Variants in SP4 observed in about 807,000 individuals in gnomAD.
The protein encoded by SP4 is Sp4 transcription factor, also known as transcription factor Sp4.
A neutral mutation model predicts 72.8 loss-of-function variants in SP4; 19 were observed. The ratio of observed to expected loss-of-function variants is 0.26; its 90% CI spans 0.18 to 0.38. The LOEUF is 0.38. SP4 is among the 10% of genes least tolerant of loss of function. The pLI is 1.00. For missense variants in SP4, 1,008 were observed against 926.3 expected (o/e 1.09, Z -1.14); for synonymous variants, 395 against 333.1 (o/e 1.19, Z -2.02).
chr7:21,430,917 T>G, intron 3 of SP4, 74 bp downstream of exon 3: 1 of 1,187,348 alleles, frequency 8.4e-7, no homozygotes, highest in Middle Eastern at 2.0e-4. Context: ...CTCCTAATTC[T>G]AAGGTTTGAC....
intron 3 of SP4, among the ~76,000 whole-genome samples, chr7:21,460,649 T>C (rs1783935109): frequency 6.6e-6 from 1 of 152,180 alleles, no homozygotes; most frequent in Non-Finnish European, 1.5e-5. Flanking sequence ...AGAGAGCCGA[T>C]TGGTCTGTTT....
chr7:21,447,598 G>A (rs1423229569), intron 3 of SP4, among the ~76,000 whole-genome samples: 1 of 152,218 alleles, frequency 6.6e-6, no homozygotes, highest in Non-Finnish European at 1.5e-5. Flanking sequence ...TTCTGTTAGA[G>A]TATTAAGGCA....
chr7:21,461,662 C>T (rs2128402462), intron 3 of SP4, among the ~76,000 whole-genome samples: 1 of 152,300 alleles, frequency 6.6e-6, no homozygotes, highest in Admixed American at 6.5e-5. Flanking sequence ...GAGCCAGCTG[C>T]AGCCTCGGCC....
At chr7:21,468,122 T>G (rs1350046084) in intron 3 of SP4, among the ~76,000 whole-genome samples, 1 of 152,168 alleles carries the variant, frequency 6.6e-6, no homozygotes. Context: ...ACAGTTGGAT[T>G]ATTTTGTGTA....
chr7:21,494,866 G>C (rs1428388341), intron 5 of SP4, among the ~76,000 whole-genome samples: 1 of 152,112 alleles, frequency 6.6e-6, no homozygotes, highest in East Asian at 1.9e-4. Flanking sequence ...CATAATTTTA[G>C]GTGTTCCTGT....
intron 5 of SP4, among the ~76,000 whole-genome samples, chr7:21,487,282 GA>G (rs1444944556): frequency 6.6e-6 from 1 of 151,982 alleles, no homozygotes; most frequent in Admixed American, 6.6e-5. Flanking sequence ...CTGTATCTGA[GA>G]ATAGATTTTT....
intron 3 of SP4, among the ~76,000 whole-genome samples, chr7:21,457,772 GGT>G (rs377190689): frequency 4.0e-5 from 6 of 151,324 alleles, no homozygotes; most frequent in South Asian, 2.1e-4. Flanking sequence ...TTTCAATAGG[GGT>G]GTGTGTGTGT....
chr7:21,510,802 T>C (rs913269567), intron 5 of SP4, among the ~76,000 whole-genome samples: 11 of 152,244 alleles, frequency 7.2e-5, no homozygotes. Flanking sequence ...TTCCAGTTCA[T>C]AGCAGAAGCA....
At chr7:21,480,272 A>G (rs1035401753) in intron 4 of SP4, among the ~76,000 whole-genome samples, 1 of 152,212 alleles carries the variant, frequency 6.6e-6, no homozygotes, top group Admixed American at 6.5e-5. Flanking sequence ...CTGGCTTCAT[A>G]GAATGAATTG....
At chr7:21,473,196 T>G (rs1452780419) in intron 3 of SP4, among the ~76,000 whole-genome samples, 2 of 152,184 alleles carry the variant, frequency 1.3e-5, no homozygotes, top group Non-Finnish European at 2.9e-5. Flanking sequence ...ATAATCTTGC[T>G]TGGAAACAGG....
intron 1 of SP4, among the ~76,000 whole-genome samples, 176 bp downstream of exon 1, chr7:21,428,434 A>C (rs954746053): frequency 6.6e-6 from 1 of 151,960 alleles, no homozygotes; most frequent in Non-Finnish European, 1.5e-5. Flanking sequence ...TTAATGTCTG[A>C]GAGAGAACAA....
In SP4 at chr7:21,482,680, A is replaced by G. The variant is rs559503198; in HGVS notation, c.2107+557A>G. 145 of 983,222 alleles carry G rather than the reference A, an allele frequency of 1.5e-4. 1 individual carries two copies. The African/African-American group carries it at 2.4e-3, about 16-fold the overall frequency. The allele number at this position is 983,222 out of a possible 1,614,324, so 60.9% of individuals were successfully genotyped here. ...CAAAGACTGCAGCTGCTATAAATCT[A>G]ATGTGTCTAAGTTTTACGTACACTT... On this transcript the variant is annotated intron_variant, in intron 5 of 5. Coordinates refer to ENST00000222584, the MANE Select transcript of SP4 (RefSeq NM_003112.5).
Position 21,457,326 on chromosome 7 carries a change from T to C in SP4, c.1679-19753T>C, listed in dbSNP as rs190325039. 6.6e-5 allele frequency among the ~76,000 whole-genome samples: 10 copies of C among 152,278 alleles called. No homozygotes were observed. In the East Asian group the frequency reaches 1.5e-3, roughly 24 times the overall value. ...CTTTCAGCTTTTGTAATGGAAAACATACATAGTTATTTAGCTAAGTAATGG... is the reference window on the plus strand; with the variant it reads ...CTTTCAGCTTTTGTAATGGAAAACACACATAGTTATTTAGCTAAGTAATGG... On this transcript the variant is annotated intron_variant, in intron 3 of 5. Coordinates refer to ENST00000222584, the MANE Select transcript of SP4 (RefSeq NM_003112.5).
At position 21,430,767 on chromosome 7, in the gene SP4, G is replaced by C. The variant is rs1446943607; in HGVS notation, c.1602G>C (p.Gln534His). ...TAQLASVPNL[Q>H]TVSVANLGAA... is the part of the protein sequence containing the mutation. ...AGCTTGCATCAGTGCCTAACCTTCAGACAGTGAGCGTTGCCAACCTGGGTG... is the reference window on the plus strand; with the variant it reads ...AGCTTGCATCAGTGCCTAACCTTCACACAGTGAGCGTTGCCAACCTGGGTG... Residue 534 changes from glutamine (Q) to histidine (H), a missense_variant, in exon 3 of 6, where the codon CAG (glutamine) becomes CAC (histidine). This residue lies in a region of SP4 where 893 missense variants were observed against 743.3 expected (regional missense o/e 1.20). Coordinates refer to ENST00000222584, the MANE Select transcript of SP4 (RefSeq NM_003112.5). 4.3e-6 allele frequency: 7 copies of C among 1,614,208 alleles called. No individual in the cohort carries two copies. Among genetic ancestry groups the C allele is most frequent in the Non-Finnish European group, 5.9e-6 (7 of 1,180,040 alleles).
chr7:21,432,146 A>G (rs1002350848), intron 3 of SP4, among the ~76,000 whole-genome samples: 1 of 152,196 alleles, frequency 6.6e-6, no homozygotes. Flanking sequence ...ACTGAATTTT[A>G]AATTTTATTT....
chr7:21,479,953 T>G (rs770497318), intron 4 of SP4, among the ~76,000 whole-genome samples: 3 of 150,974 alleles, frequency 2.0e-5, no homozygotes, highest in African/African-American at 7.3e-5. Flanking sequence ...TCCTGCAACT[T>G]TTGCTGAACT....
At chr7:21,478,743 A>G (rs1784590084) in intron 4 of SP4, among the ~76,000 whole-genome samples, 1 of 152,174 alleles carries the variant, frequency 6.6e-6, no homozygotes, top group Non-Finnish European at 1.5e-5. Flanking sequence ...TATATTCTAC[A>G]TACAAATTCC....
intron 3 of SP4, among the ~76,000 whole-genome samples, chr7:21,458,197 T>TG (rs1214819695): frequency 3.3e-5 from 5 of 151,262 alleles, no homozygotes; most frequent in South Asian, 2.1e-4. Context: ...TGTCTTTTTT[T>TG]GGGGGGTGGG....
chr7:21,494,389 G>A (rs1039854768), intron 5 of SP4, among the ~76,000 whole-genome samples: 5 of 152,056 alleles, frequency 3.3e-5, no homozygotes, highest in Admixed American at 1.3e-4. Flanking sequence ...CAAATCCGTG[G>A]TGCCTACCAA....
Sources: gnomAD v4.1 joint callset for allele counts (sites outside exome capture counted in the v4.1 genomes callset) on GRCh38, gnomAD v4.1.1 for gene constraint, gnomAD v4.1.1 regional missense constraint, MANE v1.5 for transcripts, NCBI Gene and HGNC (gene_info 2026-07-23, HGNC 2026-07-21) for gene names.